The following JAZF1 variants were observed in gnomAD, a reference collection of about 807,000 sequenced individuals.
The protein encoded by JAZF1 is JAZF zinc finger 1.
In JAZF1, 8 loss-of-function variants were observed where a neutral mutation model predicts 26.4. That is an observed-to-expected ratio of 0.30 (90% confidence interval 0.18 to 0.55). JAZF1 has a LOEUF of 0.55. JAZF1 is among the 20% of genes least tolerant of loss of function. The probability of loss-of-function intolerance (pLI) is 0.94; values close to 1 mark genes in which losing one functional copy is unlikely to be tolerated. For synonymous variants in JAZF1, 126 were observed against 122.3 expected (o/e 1.03, Z -0.20); for missense variants, 199 against 322.0 (o/e 0.62, Z 2.92).
rs906737288 is a variant in JAZF1, at chr7:27,988,955, A to T, written c.188+2954T>A. 2.7e-5 allele frequency among the ~76,000 whole-genome samples: 4 copies of T among 147,118 alleles called. No individual in the cohort carries two copies. In the Admixed American group the frequency reaches 2.7e-4, roughly 10 times the overall value. Reference sequence around the variant, plus strand: ...AAAAAAAAAAAAAAAGTTCATATGGAACCAAAAAAGAGCCTGCATTGCCAA... The same window carrying T: ...AAAAAAAAAAAAAAAGTTCATATGGTACCAAAAAAGAGCCTGCATTGCCAA... On this transcript the variant is annotated intron_variant, in intron 2 of 4. Transcript: ENST00000283928.
At chr7:28,139,111 G>A (rs1049301876) in intron 1 of JAZF1, among the ~76,000 whole-genome samples, 3 of 152,156 alleles carry the variant, frequency 2.0e-5, no homozygotes, top group Non-Finnish European at 2.9e-5. Context: ...TGCCTGTAGT[G>A]ACCTTGGTTT....
intron 1 of JAZF1, among the ~76,000 whole-genome samples, chr7:28,156,545 G>A (rs1030725946): frequency 6.6e-6 from 1 of 152,146 alleles, no homozygotes. Context: ...AAGACCATTC[G>A]CTCATTATAG....
rs143333026 is a variant in JAZF1 at position 27,950,292 on chromosome 7, C to G, written c.188+41617G>C. Among the ~76,000 whole-genome samples, 12 of 152,332 alleles carry G rather than the reference C, an allele frequency of 7.9e-5. No homozygotes were observed. In the East Asian group the frequency reaches 2.3e-3, roughly 29 times the overall value. ...TCTGATGTCAGAGCAGGAGTCTCAG[C>G]TGACACCCTGAGCAGTTGACAGCGA... On this transcript the variant is annotated intron_variant, in intron 2 of 4. Coordinates refer to ENST00000283928, the MANE Select transcript of JAZF1 (RefSeq NM_175061.4).
At chr7:28,051,279 G>T (rs1482900352) in intron 1 of JAZF1, among the ~76,000 whole-genome samples, 1 of 151,596 alleles carries the variant, frequency 6.6e-6, no homozygotes, top group Admixed American at 6.6e-5. Context: ...AGGGTGGAGT[G>T]CAGTGGTGTG....
At chr7:28,140,400 G>A (rs1048297195) in intron 1 of JAZF1, among the ~76,000 whole-genome samples, 2 of 152,094 alleles carry the variant, frequency 1.3e-5, no homozygotes, top group African/African-American at 4.8e-5. Flanking sequence ...ACAAATCTAA[G>A]TAGCCCAGAA....
At chr7:28,080,309 G>A (rs1698138136) in intron 1 of JAZF1, among the ~76,000 whole-genome samples, 4 of 152,196 alleles carry the variant, frequency 2.6e-5, no homozygotes, top group South Asian at 2.1e-4. Context: ...TTTGGCTTAC[G>A]GGAATGTTAT....
chr7:27,952,658 C>G (rs1349914662), intron 2 of JAZF1, among the ~76,000 whole-genome samples: 1 of 152,122 alleles, frequency 6.6e-6, no homozygotes, highest in Non-Finnish European at 1.5e-5. Context: ...GGAAAAGGGC[C>G]GGAGAAAACT....
chr7:27,990,000 C>A (rs1325605653), intron 2 of JAZF1, among the ~76,000 whole-genome samples: 1 of 152,158 alleles, frequency 6.6e-6, no homozygotes, highest in African/African-American at 2.4e-5. Context: ...TTTATTGTGG[C>A]ACTATTCACA....
intron 2 of JAZF1, among the ~76,000 whole-genome samples, chr7:27,909,002 T>TACTCATTCATTC (rs1784310946): frequency 6.6e-6 from 1 of 151,052 alleles, no homozygotes; most frequent in Admixed American, 6.6e-5. Flanking sequence ...ACTTGAATAA[T>TACTCATTCATTC]ATTCATTCAT....
chr7:28,158,786 CTT>C (rs766564027), intron 1 of JAZF1, among the ~76,000 whole-genome samples: 1 of 152,196 alleles, frequency 6.6e-6, no homozygotes, highest in African/African-American at 2.4e-5. Flanking sequence ...GCAGTCCTAT[CTT>C]TGATTGCCAT....
At chr7:28,090,965 T>G (rs993821668) in intron 1 of JAZF1, among the ~76,000 whole-genome samples, 1 of 151,196 alleles carries the variant, frequency 6.6e-6, no homozygotes, top group African/African-American at 2.4e-5. Context: ...TAGCTGGGAC[T>G]ACAGGCGCCC....
Position 28,159,284 on chromosome 7 carries a change from T to C in JAZF1, c.115+21179A>G, listed in dbSNP as rs1444220852. Among the ~76,000 whole-genome samples, 7 of 151,976 alleles carry C rather than the reference T, an allele frequency of 4.6e-5. No homozygotes were observed. The East Asian group carries it at 1.2e-3, about 25-fold the overall frequency. Reference sequence around the variant, plus strand: ...TTGATGGGAACTCCCTGTACTACTTTTGCAACTTTTCAGTAAGTCTAAAAT... The same window carrying C: ...TTGATGGGAACTCCCTGTACTACTTCTGCAACTTTTCAGTAAGTCTAAAAT... On this transcript the variant is annotated intron_variant, in intron 1 of 4. Transcript: ENST00000283928.
chr7:28,178,360 G>T (rs556718496), intron 1 of JAZF1, among the ~76,000 whole-genome samples: 75 of 152,118 alleles, frequency 4.9e-4, no homozygotes, highest in African/African-American at 1.7e-3. Flanking sequence ...AATTTATACT[G>T]TCTTTTAACC....
intron 3 of JAZF1, among the ~76,000 whole-genome samples, chr7:27,881,633 A>T (rs1367836750): frequency 6.6e-6 from 1 of 152,148 alleles, no homozygotes; most frequent in Non-Finnish European, 1.5e-5. Context: ...GGGAGTCACG[A>T]TCATGTCTCA....
At chr7:27,982,419 G>C (rs1049603369) in intron 2 of JAZF1, among the ~76,000 whole-genome samples, 3 of 152,198 alleles carry the variant, frequency 2.0e-5, no homozygotes, top group African/African-American at 7.2e-5. Flanking sequence ...GTCCGCCACT[G>C]CTGAGGCTTG....
intron 1 of JAZF1, among the ~76,000 whole-genome samples, chr7:28,132,599 G>A (rs1410746902): frequency 6.6e-6 from 1 of 152,124 alleles, no homozygotes; most frequent in African/African-American, 2.4e-5. Context: ...TTTTAATTAG[G>A]AGCATAGAAT....
intron 1 of JAZF1, among the ~76,000 whole-genome samples, chr7:28,038,027 T>C (rs908433252): frequency 2.0e-5 from 3 of 152,114 alleles, no homozygotes; most frequent in African/African-American, 7.2e-5. Flanking sequence ...ATAGGAAAAA[T>C]AAAAAGCTTT....
intron 1 of JAZF1, among the ~76,000 whole-genome samples, chr7:28,140,176 C>T (rs1166525434): frequency 1.3e-5 from 2 of 151,644 alleles, no homozygotes; most frequent in African/African-American, 2.4e-5. Context: ...TTCAGCTCCC[C>T]GGTTCCAGCA....
chr7:27,869,270 T>A (rs766775450), intron 3 of JAZF1, among the ~76,000 whole-genome samples: 3 of 147,380 alleles, frequency 2.0e-5, no homozygotes, highest in Non-Finnish European at 3.0e-5. Context: ...GCAACAGAAA[T>A]AAGGGAGGAC....
Sources: gnomAD v4.1 joint callset for allele counts (sites outside exome capture counted in the v4.1 genomes callset) on GRCh38, gnomAD v4.1.1 for gene constraint, MANE v1.5 for transcripts, NCBI Gene and HGNC (gene_info 2026-07-23, HGNC 2026-07-21) for gene names.